CBFB: variants seen among roughly 807,000 people sequenced by gnomAD.
CBFB encodes the protein core-binding factor subunit beta, also known as CBF-beta.
Under a neutral mutation model 30.4 loss-of-function variants are expected in CBFB, and 9 were observed. That is an observed-to-expected ratio of 0.30 (90% confidence interval 0.18 to 0.52). The LOEUF (loss-of-function observed/expected upper bound fraction) is 0.52, where lower values mean the gene tolerates loss of function less well. CBFB is among the 20% of genes least tolerant of loss of function. CBFB has a pLI of 0.97. For synonymous variants in CBFB, 94 were observed against 84.0 expected (o/e 1.12, Z -0.65); for missense variants, 170 against 244.0 (o/e 0.70, Z 2.02).
intron 3 of CBFB, among the ~76,000 whole-genome samples, chr16:67,056,978 C>T (rs1407951235): frequency 6.6e-6 from 1 of 151,876 alleles, no homozygotes; most frequent in African/African-American, 2.4e-5. Flanking sequence ...CCATGCCCGG[C>T]CTCTAGCAGG....
At chr16:67,066,898 A>G (rs1415293374) in intron 4 of CBFB, 100 bp downstream of exon 4, 1 of 658,218 alleles carries the variant, frequency 1.5e-6, no homozygotes, top group Non-Finnish European at 2.8e-6. Context: ...GTAAGTATAG[A>G]AAGTATTGTG....
At position 67,099,380 on chromosome 16, in the gene CBFB, T is replaced by C. The variant is rs1962152052; in HGVS notation, c.*602T>C. 1 of 220,496 alleles carries C rather than the reference T, an allele frequency of 4.5e-6. No homozygotes were observed. 13.7% of individuals were successfully genotyped at this position (220,496 alleles called of 1,614,324 possible). On this transcript the variant is annotated 3_prime_UTR_variant, in exon 6 of 6. Transcript: ENST00000412916. ...CTGACAAAGTTTACAGTTATTAAAG[T>C]TGCAGTATCCTTTTAAATGCTAGTA...
intron 4 of CBFB, among the ~76,000 whole-genome samples, chr16:67,069,083 G>T (rs574924802): frequency 6.6e-6 from 1 of 152,204 alleles, no homozygotes; most frequent in Non-Finnish European, 1.5e-5. Flanking sequence ...GCATGGTGGC[G>T]CATGCCTGTA....
At chr16:67,050,106 TA>T (rs1334032353) in intron 3 of CBFB, among the ~76,000 whole-genome samples, 1 of 150,412 alleles carries the variant, frequency 6.6e-6, no homozygotes, top group Non-Finnish European at 1.5e-5. Context: ...TCCAAAGCCT[TA>T]TTTAGAGTTA....
chr16:67,055,451 C>T (rs1296095346), intron 3 of CBFB, among the ~76,000 whole-genome samples: 2 of 148,392 alleles, frequency 1.3e-5, no homozygotes, highest in African/African-American at 5.0e-5. Context: ...CTGCAAGCTC[C>T]GCCTCCCGGG....
At position 67,058,576 on chromosome 16, in the gene CBFB, C is replaced by T. The variant is rs12598154; in HGVS notation, c.283-8106C>T. ...TGAACTCATCATATATCCCCACTGC[C>T]CTTATAAGCATTTCCTGCACATAGT... On this transcript the variant is annotated intron_variant, in intron 3 of 5. Coordinates refer to ENST00000412916, the MANE Select transcript of CBFB (RefSeq NM_022845.3). 6.3e-3 allele frequency among the ~76,000 whole-genome samples: 955 copies of T among 152,234 alleles called. 30 individuals carry two copies. The East Asian group carries it at 0.1, about 16-fold the overall frequency.
At chr16:67,030,095 T>TA (rs977286638) in intron 2 of CBFB, 3 of 361,172 alleles carry the variant, frequency 8.3e-6, no homozygotes, top group African/African-American at 6.5e-5. Context: ...GGGCATTGTT[T>TA]AGGCGGCGAC....
chr16:67,050,619 C>T lies in CBFB; in HGVS notation c.282+13864C>T, dbSNP rs567363355. Among the ~76,000 whole-genome samples the T allele has an allele frequency of 5.3e-5, 8 of 152,062 alleles. No homozygotes were observed. The South Asian group carries it at 1.0e-3, about 20-fold the overall frequency. On this transcript the variant is annotated intron_variant, in intron 3 of 5. Transcript: ENST00000412916. ...AGACCAGCCTGGGCAATATGAGACCCTGTCTGTACAAAAAAGTTTAAAAAT... is the reference window on the plus strand; with the variant it reads ...AGACCAGCCTGGGCAATATGAGACCTTGTCTGTACAAAAAAGTTTAAAAAT...
chr16:67,037,569 T>C (rs906686199), intron 3 of CBFB, among the ~76,000 whole-genome samples: 1 of 152,086 alleles, frequency 6.6e-6, no homozygotes, highest in Non-Finnish European at 1.5e-5. Context: ...ACAGTTTCGA[T>C]GTTAGAAGTT....
At chr16:67,031,243 G>A (rs1040192029) in intron 2 of CBFB, among the ~76,000 whole-genome samples, 1 of 152,196 alleles carries the variant, frequency 6.6e-6, no homozygotes, top group Non-Finnish European at 1.5e-5. Flanking sequence ...ATTAGTGCAT[G>A]TTATGAAAGA....
chr16:67,036,737 A>G lies in CBFB; in HGVS notation c.264A>G (p.Leu88=), dbSNP rs1966445233. The change falls in exon 3 of 6, where the codon TTA becomes TTG. Residue 88 remains leucine (L), a synonymous_variant. Transcript: ENST00000412916. ...RQTPSREYVD[L]EREAGKVYLK... Reference sequence around the variant, plus strand: ...CACCTAGCCGAGAGTATGTCGACTTAGAAAGAGAAGCAGGCAAGGTAGGAA... The same window carrying G: ...CACCTAGCCGAGAGTATGTCGACTTGGAAAGAGAAGCAGGCAAGGTAGGAA... The G allele has an allele frequency of 6.2e-7, 1 of 1,606,868 alleles. No individual in the cohort carries two copies. Among genetic ancestry groups the G allele is most frequent in the Non-Finnish European group, 8.5e-7 (1 of 1,173,368 alleles).
At chr16:67,035,687 C>T (rs1966431110) in intron 2 of CBFB, among the ~76,000 whole-genome samples, 1 of 152,190 alleles carries the variant, frequency 6.6e-6, no homozygotes, top group Non-Finnish European at 1.5e-5. Flanking sequence ...GATGAAGACT[C>T]TATGCATGGA....
chr16:67,073,690 C>T (rs972753802), intron 4 of CBFB, among the ~76,000 whole-genome samples: 3 of 152,026 alleles, frequency 2.0e-5, no homozygotes, highest in Non-Finnish European at 4.4e-5. Flanking sequence ...TGCGGTGAGC[C>T]GAGATCGTGC....
intron 3 of CBFB, among the ~76,000 whole-genome samples, chr16:67,049,758 A>G (rs1036384720): frequency 6.6e-6 from 1 of 152,086 alleles, no homozygotes; most frequent in African/African-American, 2.4e-5. Flanking sequence ...CCCATGAACC[A>G]TTTTAAATGC....
intron 3 of CBFB, among the ~76,000 whole-genome samples, chr16:67,050,260 T>C (rs1056600587): frequency 6.8e-6 from 1 of 147,730 alleles, no homozygotes; most frequent in Non-Finnish European, 1.5e-5. Context: ...ATAAATTATA[T>C]ATAATATATA....
chr16:67,068,787 T>A (rs2145753492), intron 4 of CBFB, among the ~76,000 whole-genome samples: 1 of 152,328 alleles, frequency 6.6e-6, no homozygotes, highest in African/African-American at 2.4e-5. Flanking sequence ...TCAAAGTAGT[T>A]GTTATAAATA....
intron 4 of CBFB, among the ~76,000 whole-genome samples, chr16:67,075,019 T>C (rs75520271): frequency 0.035 from 5,316 of 151,886 alleles, 312 homozygotes; most frequent in African/African-American, 0.12. Flanking sequence ...CAAAACCCCA[T>C]CTCTACTAAA....
At chr16:67,074,838 A>C (rs1289283886) in intron 4 of CBFB, among the ~76,000 whole-genome samples, 4 of 152,220 alleles carry the variant, frequency 2.6e-5, no homozygotes, top group African/African-American at 4.8e-5. Context: ...AGACAGTATT[A>C]AGAGAATGTA....
intron 4 of CBFB, among the ~76,000 whole-genome samples, chr16:67,072,731 G>T (rs892396864): frequency 5.9e-5 from 9 of 151,354 alleles, no homozygotes; most frequent in African/African-American, 2.2e-4. Flanking sequence ...CTCCCAAAGT[G>T]CTGGGATTAC....
Sources: allele counts gnomAD v4.1 joint callset (sites outside exome capture counted in the v4.1 genomes callset), GRCh38; gene constraint gnomAD v4.1.1; transcripts MANE v1.5; gene names NCBI Gene and HGNC (gene_info 2026-07-23, HGNC 2026-07-21).